Variants in UGDH observed in about 807,000 individuals in gnomAD.
The protein encoded by UGDH is UDP-Glc dehydrogenase.
A neutral mutation model predicts 50.6 loss-of-function variants in UGDH; 38 were observed. That is an observed-to-expected ratio of 0.75 (90% CI 0.58 to 0.98). The LOEUF is 0.98. Ranked by LOEUF, UGDH falls within the 50% of genes least tolerant of loss-of-function variation. UGDH has a pLI of 0.00. For synonymous variants in UGDH, 168 were observed against 199.9 expected, an observed-to-expected ratio of 0.84 and a Z score of 1.35; for missense variants, 465 against 606.2, an observed-to-expected ratio of 0.77 and a Z score of 2.45.
At chr4:39,524,767 C>T (rs568891175) in intron 1 of UGDH, among the ~76,000 whole-genome samples, 1 of 152,282 alleles carries the variant, frequency 6.6e-6, no homozygotes, top group South Asian at 2.1e-4. Context: ...CCTCAGCCTC[C>T]CAAAGTGTTG....
chr4:39,509,084 C>T (rs1746133354), intron 6 of UGDH, among the ~76,000 whole-genome samples: 1 of 150,866 alleles, frequency 6.6e-6, no homozygotes, highest in Non-Finnish European at 1.5e-5. Flanking sequence ...AGGTGATCCT[C>T]CTACCTTAGC....
At chr4:39,519,408 G>A (rs1746558557) in intron 2 of UGDH, among the ~76,000 whole-genome samples, 2 of 152,030 alleles carry the variant, frequency 1.3e-5, no homozygotes, top group African/African-American at 4.8e-5. Flanking sequence ...TGAATGTTTG[G>A]ATATAAGTAT....
intron 2 of UGDH, 130 bp downstream of exon 2, chr4:39,521,221 A>T: frequency 1.1e-6 from 1 of 931,842 alleles, no homozygotes; most frequent in Non-Finnish European, 1.5e-6. Flanking sequence ...TGTGTTTTGT[A>T]TCCAGATTTT....
rs934953491 is a variant in UGDH, at chr4:39,503,886, T to C, written c.1363A>G (p.Ile455Val). Residue 455 changes from isoleucine to valine, a missense_variant, in exon 11 of 12, where the codon ATT becomes GTT. Physicochemically the swap from Ile to Val is conservative, Grantham distance 29. Coordinates refer to ENST00000316423, the MANE Select transcript of UGDH (RefSeq NM_003359.4). ...LDGLHNELQT[I>V]GFQIETIGKK... ...AGGATCATGATTACCTGGAAGCCAATGGTTTGTAGTTCATTGTGGAGCCCA... is the reference window on the plus strand; with the variant it reads ...AGGATCATGATTACCTGGAAGCCAACGGTTTGTAGTTCATTGTGGAGCCCA... The C allele has an allele frequency of 6.2e-6, 10 of 1,613,526 alleles. No individual in the cohort carries two copies. Among genetic ancestry groups the C allele is most frequent in the Non-Finnish European group, 8.5e-6 (10 of 1,179,856 alleles).
rs1241609444 is a variant in UGDH at position 39,514,196 on chromosome 4, A to G, written c.163-12T>C. 5 of 1,566,252 alleles carry G rather than the reference A, an allele frequency of 3.2e-6. No individual in the cohort carries two copies. The highest frequency in any genetic ancestry group is 4.3e-6 in the Non-Finnish European group (5 of 1,159,176). ...TCTTTTAGTCCTGGCTAAAAAGAAA[A>G]AAGAAAAGGAATTGTACATATAGCT... On this transcript the variant is annotated splice_polypyrimidine_tract_variant and intron_variant, in intron 2 of 11. Coordinates refer to ENST00000316423, the MANE Select transcript of UGDH (RefSeq NM_003359.4).
intron 7 of UGDH, 84 bp downstream of exon 7, chr4:39,508,482 C>G: frequency 7.4e-7 from 1 of 1,344,576 alleles, no homozygotes; most frequent in Non-Finnish European, 1.0e-6. Flanking sequence ...GATGCTCTTG[C>G]CTTGGCTTCC....
In UGDH at chr4:39,514,146, T is replaced by TTTTCC. The variant is rs1384719791; in HGVS notation, c.196_200dup (p.Asn68GlufsTer24). On this transcript the variant is annotated frameshift_variant, in exon 3 of 12. Coordinates refer to ENST00000316423, the MANE Select transcript of UGDH (RefSeq NM_003359.4). LOFTEE classifies it high-confidence loss of function. ...CAATATTGGTAGAAAAAAAAAGATT[T>TTTTCC]TTTCCTCGACAGGATTCTACCACTT... 7 of 1,584,068 alleles carry TTTTCC rather than the reference T, an allele frequency of 4.4e-6. No individual in the cohort carries two copies. The South Asian group carries it at 8.2e-5, about 19-fold the overall frequency.
intron 7 of UGDH, among the ~76,000 whole-genome samples, chr4:39,507,661 G>T (rs1415963112): frequency 6.6e-6 from 1 of 152,126 alleles, no homozygotes; most frequent in African/African-American, 2.4e-5. Context: ...AGATAGAGAA[G>T]AATTAGGCTA....
intron 11 of UGDH, among the ~76,000 whole-genome samples, chr4:39,500,755 C>G (rs1279767869): frequency 6.7e-6 from 1 of 148,988 alleles, no homozygotes; most frequent in South Asian, 2.1e-4. Flanking sequence ...CTCCTAGGTT[C>G]AAGCAATTCT....
At chr4:39,507,986 T>A (rs968543503) in intron 7 of UGDH, among the ~76,000 whole-genome samples, 9 of 148,806 alleles carry the variant, frequency 6.0e-5, no homozygotes, top group Admixed American at 4.0e-4. Context: ...TAATTAAGGA[T>A]AATTGTTTTT....
intron 1 of UGDH, among the ~76,000 whole-genome samples, chr4:39,522,034 T>C (rs1311549896): frequency 2.6e-5 from 4 of 152,234 alleles, no homozygotes; most frequent in Non-Finnish European, 5.9e-5. Flanking sequence ...CACACTACTT[T>C]GGCTTTCAAA....
Position 39,499,559 on chromosome 4 carries a change from T to C in UGDH, c.*584A>G, listed in dbSNP as rs1456491159. 1 of 152,186 alleles carries C rather than the reference T, an allele frequency of 6.6e-6. No individual in the cohort carries two copies. Among genetic ancestry groups the C allele is most frequent in the Non-Finnish European group, 1.5e-5 (1 of 68,038 alleles). The allele number at this position is 152,186 out of a possible 1,614,324, so 9.4% of individuals were successfully genotyped here. On this transcript the variant is annotated 3_prime_UTR_variant, in exon 12 of 12. Transcript: ENST00000316423. ...AGAGTTTGAAGTTTAATTTTTATTTTACAAAAATTGACACTATTAAAACCA... is the reference window on the plus strand; with the variant it reads ...AGAGTTTGAAGTTTAATTTTTATTTCACAAAAATTGACACTATTAAAACCA...
chr4:39,510,056 AG>A lies in UGDH; in HGVS notation c.664-150del, dbSNP rs1578269538. 80 of 992,358 alleles carry A rather than the reference AG, an allele frequency of 8.1e-5. 1 individual carries two copies. In the East Asian group the frequency reaches 1.2e-3, roughly 15 times the overall value. 61.5% of individuals were successfully genotyped at this position (992,358 alleles called of 1,614,324 possible). A position where few individuals can be genotyped will look rare whatever the true frequency, so the allele number is the denominator to read the frequency against. On this transcript the variant is annotated intron_variant, in intron 5 of 11. Transcript: ENST00000316423. ...AATTTGAGGAGACAATGGATGGGTT[AG>A]AAAGGGAAAATGTTTTAAATTAGAG...
intron 2 of UGDH, among the ~76,000 whole-genome samples, chr4:39,517,041 C>G (rs1746463234): frequency 1.3e-5 from 2 of 151,960 alleles, no homozygotes; most frequent in Non-Finnish European, 2.9e-5. Flanking sequence ...TTATTAGGTT[C>G]ATTATGTAAT....
chr4:39,506,947 CAA>C, intron 7 of UGDH, among the ~76,000 whole-genome samples: 1 of 152,030 alleles, frequency 6.6e-6, no homozygotes, highest in Non-Finnish European at 1.5e-5. Context: ...CACTTGAGCC[CAA>C]GAGTTGGAAT....
chr4:39,500,162 T>C lies in UGDH; in HGVS notation c.1466A>G (p.Asn489Ser). 1 of 1,593,562 alleles carries C rather than the reference T, an allele frequency of 6.3e-7. No homozygotes were observed. Among genetic ancestry groups the C allele is most frequent in the African/African-American group, 1.3e-5 (1 of 74,450 alleles). Residue 489 changes from asparagine to serine, a missense_variant, in exon 12 of 12, where the codon AAC (asparagine) becomes AGC (serine). By Grantham distance (46) the Asn-to-Ser change is conservative (BLOSUM62 1). Coordinates refer to ENST00000316423, the MANE Select transcript of UGDH (RefSeq NM_003359.4). ...CAATCTCTACACTTTAGGTTTCTTGTTAGGTGGATCTTGAAGACTAAACTT... is the reference window on the plus strand; with the variant it reads ...CAATCTCTACACTTTAGGTTTCTTGCTAGGTGGATCTTGAAGACTAAACTT... ...IPKFSLQDPPNKKPKV is the reference protein window; with the variant it reads ...IPKFSLQDPPSKKPKV
At chr4:39,508,970 G>A (rs1219799473) in intron 6 of UGDH, among the ~76,000 whole-genome samples, 2 of 144,798 alleles carry the variant, frequency 1.4e-5, no homozygotes, top group African/African-American at 2.6e-5. Context: ...TTAGCACAGG[G>A]TCAGCAAACT....
At chr4:39,506,431 T>C (rs1199289544) in intron 7 of UGDH, among the ~76,000 whole-genome samples, 2 of 152,176 alleles carry the variant, frequency 1.3e-5, no homozygotes, top group African/African-American at 2.4e-5. Flanking sequence ...CTCCAAATTC[T>C]GTGGAAACAA....
chr4:39,525,953 C>T (rs183722596), intron 1 of UGDH, among the ~76,000 whole-genome samples: 182 of 152,252 alleles, frequency 1.2e-3, no homozygotes, highest in Non-Finnish European at 1.9e-3. Flanking sequence ...CCAAACCGTT[C>T]CAAAACTACT....
Sources: allele counts gnomAD v4.1 joint callset (sites outside exome capture counted in the v4.1 genomes callset), GRCh38; gene constraint gnomAD v4.1.1; transcripts MANE v1.5; gene names NCBI Gene and HGNC (gene_info 2026-07-23, HGNC 2026-07-21).